The following NXPE2 variants were observed in gnomAD, a reference collection of about 807,000 sequenced individuals.
NXPE2 encodes the protein NXPE family member 2.
A neutral mutation model predicts 34.4 loss-of-function variants in NXPE2; 34 were observed. The ratio of observed to expected loss-of-function variants is 0.99; its 90% CI spans 0.75 to 1.31. The LOEUF is 1.31. NXPE2 is among the 40% of genes most tolerant of loss of function. NXPE2 has a pLI of 0.00. For missense variants in NXPE2, 649 were observed against 672.5 expected (o/e 0.97, Z 0.39); for synonymous variants, 235 against 231.3 (o/e 1.02, Z -0.15).
intron 2 of NXPE2, among the ~76,000 whole-genome samples, chr11:114,686,212 C>G (rs1336844593): frequency 6.6e-6 from 1 of 151,810 alleles, no homozygotes; most frequent in Non-Finnish European, 1.5e-5. Context: ...TCTAATGCTC[C>G]CATTGCCCAG....
At chr11:114,535,662 A>G in the NXPE2 span, among the ~76,000 whole-genome samples, 1 of 152,220 alleles carries the variant, frequency 6.6e-6, no homozygotes, top group Non-Finnish European at 1.5e-5. Context: ...ACTTAAACCA[A>G]CAAAGATCAA....
the NXPE2 span, among the ~76,000 whole-genome samples, chr11:114,520,376 C>T: frequency 6.6e-6 from 1 of 151,906 alleles, no homozygotes. Context: ...TATTTCTTTC[C>T]TTCAATATTG....
the NXPE2 span, chr11:114,530,153 T>C: frequency 6.4e-7 from 1 of 1,569,564 alleles, no homozygotes. Context: ...CACTTCTCAG[T>C]ATACATGAAA....
chr11:114,614,623 C>G, the NXPE2 span, among the ~76,000 whole-genome samples: 1 of 151,708 alleles, frequency 6.6e-6, no homozygotes, highest in Admixed American at 6.6e-5. Context: ...CCACTGTTAC[C>G]TGGTGGATTA....
chr11:114,635,260 CTGTT>C, the NXPE2 span, among the ~76,000 whole-genome samples: 6 of 149,910 alleles, frequency 4.0e-5, no homozygotes, highest in Non-Finnish European at 8.9e-5. Context: ...ATTTGGCTCT[CTGTT>C]TGTCTGTTGT....
chr11:114,550,760 C>T, the NXPE2 span, among the ~76,000 whole-genome samples: 1 of 152,046 alleles, frequency 6.6e-6, no homozygotes, highest in African/African-American at 2.4e-5. Flanking sequence ...AAATCATAGA[C>T]ACAATAAAAA....
the NXPE2 span, among the ~76,000 whole-genome samples, chr11:114,481,443 T>C: frequency 2.6e-5 from 4 of 152,116 alleles, no homozygotes; most frequent in Admixed American, 1.3e-4. Flanking sequence ...ATGGCAACAA[T>C]AGCGCTTTCC....
At chr11:114,521,824 T>C in the NXPE2 span, 2 of 630,358 alleles carry the variant, frequency 3.2e-6, no homozygotes, top group East Asian at 5.5e-5. Context: ...TCAGTTGTCA[T>C]TGTCCTTACA....
the NXPE2 span, among the ~76,000 whole-genome samples, chr11:114,497,154 A>T: frequency 2.6e-5 from 4 of 152,130 alleles, no homozygotes; most frequent in African/African-American, 7.2e-5. Context: ...GTCAGACAGG[A>T]TGTGAAGGTG....
At chr11:114,467,117 G>A in the NXPE2 span, among the ~76,000 whole-genome samples, 1 of 152,134 alleles carries the variant, frequency 6.6e-6, no homozygotes, top group African/African-American at 2.4e-5. Flanking sequence ...AATATACTGT[G>A]CATACTTTAT....
At chr11:114,685,443 T>G (rs1018273815) in intron 2 of NXPE2, among the ~76,000 whole-genome samples, 1 of 152,172 alleles carries the variant, frequency 6.6e-6, no homozygotes, top group African/African-American at 2.4e-5. Flanking sequence ...GGCACTAACT[T>G]TATTAATGAG....
At chr11:114,632,575 C>A in the NXPE2 span, among the ~76,000 whole-genome samples, 1 of 104,360 alleles carries the variant, frequency 9.6e-6, no homozygotes, top group South Asian at 2.8e-4. Context: ...TTACATATAT[C>A]ATATATTTAT....
At chr11:114,469,637 C>T in the NXPE2 span, among the ~76,000 whole-genome samples, 2 of 150,446 alleles carry the variant, frequency 1.3e-5, no homozygotes, top group Admixed American at 6.6e-5. Flanking sequence ...TTACATGCAC[C>T]CCCCCCACCA....
At chr11:114,779,492 G>A in the NXPE2 span, among the ~76,000 whole-genome samples, 11 of 152,144 alleles carry the variant, frequency 7.2e-5, no homozygotes, top group South Asian at 2.1e-4. Flanking sequence ...CGGGGAGATC[G>A]GAAGAGCCGC....
the NXPE2 span, among the ~76,000 whole-genome samples, chr11:114,626,097 A>G: frequency 0.53 from 80,065 of 151,938 alleles, 22,176 homozygotes; most frequent in African/African-American, 0.68. Flanking sequence ...CGAGGCTGGG[A>G]GAGGGGCGCC....
the NXPE2 span, among the ~76,000 whole-genome samples, chr11:114,807,680 A>G: frequency 2.1e-3 from 321 of 151,854 alleles, 6 homozygotes; most frequent in Admixed American, 0.019. Context: ...AGGAGCACCC[A>G]GATTCATAAA....
chr11:114,723,262 T>A, the NXPE2 span, among the ~76,000 whole-genome samples: 4 of 151,990 alleles, frequency 2.6e-5, no homozygotes, highest in Non-Finnish European at 4.4e-5. Flanking sequence ...CAAACTATAC[T>A]GAAAGTTTGC....
the NXPE2 span, among the ~76,000 whole-genome samples, chr11:114,553,519 T>C: frequency 6.6e-6 from 1 of 152,220 alleles, no homozygotes; most frequent in Non-Finnish European, 1.5e-5. Context: ...TGGCAGAGTT[T>C]TGGAAATTTA....
At chr11:114,740,911 C>G in the NXPE2 span, among the ~76,000 whole-genome samples, 2 of 152,150 alleles carry the variant, frequency 1.3e-5, no homozygotes, top group Admixed American at 1.3e-4. Context: ...CCTTAATCAT[C>G]AAATAATGAC....
Sources: allele counts gnomAD v4.1 joint callset (sites outside exome capture counted in the v4.1 genomes callset), GRCh38; gene constraint gnomAD v4.1.1; transcripts MANE v1.5; gene names NCBI Gene and HGNC (gene_info 2026-07-23, HGNC 2026-07-21).